The following ADAMTSL3 variants were observed in gnomAD, a reference collection of about 807,000 sequenced individuals.
ADAMTSL3 encodes ADAMTS-like protein 3.
In ADAMTSL3, 128 loss-of-function variants were observed where a neutral mutation model predicts 201.7. The observed-to-expected ratio is 0.63, with a 90% CI of 0.55 to 0.73. ADAMTSL3 has a LOEUF of 0.73. Among genes scored for constraint, ADAMTSL3 ranks in the 30% least tolerant of loss-of-function variants. The pLI is 0.00. For synonymous variants in ADAMTSL3, 738 were observed against 748.4 expected (o/e 0.99, Z 0.23); for missense variants, 1,990 against 2,119.6 (o/e 0.94, Z 1.20).
intron 23 of ADAMTSL3, among the ~76,000 whole-genome samples, chr15:84,008,394 C>T (rs1208966124): frequency 6.6e-6 from 1 of 152,168 alleles, no homozygotes; most frequent in East Asian, 1.9e-4. Flanking sequence ...CACACCAGGC[C>T]CCGTGGTGAG....
intron 17 of ADAMTSL3, among the ~76,000 whole-genome samples, chr15:83,934,177 G>C (rs552257508): frequency 2.6e-5 from 4 of 151,858 alleles, no homozygotes; most frequent in African/African-American, 7.2e-5. Context: ...CAGCTGGGAG[G>C]GGGGGCTGTA....
At chr15:83,725,227 T>C (rs1344755993) in intron 3 of ADAMTSL3, among the ~76,000 whole-genome samples, 3 of 152,184 alleles carry the variant, frequency 2.0e-5, no homozygotes, top group African/African-American at 7.2e-5. Flanking sequence ...TTATTGCTTG[T>C]CATTTGGATA....
At chr15:83,688,239 T>C (rs1312030221) in intron 2 of ADAMTSL3, among the ~76,000 whole-genome samples, 1 of 152,246 alleles carries the variant, frequency 6.6e-6, no homozygotes, top group East Asian at 1.9e-4. Context: ...GTAAAATTTC[T>C]AACTTCTAAG....
At chr15:83,734,812 G>T (rs985949340) in intron 3 of ADAMTSL3, among the ~76,000 whole-genome samples, 1 of 152,070 alleles carries the variant, frequency 6.6e-6, no homozygotes, top group Non-Finnish European at 1.5e-5. Context: ...GATTTTTGCC[G>T]ATGGTGGAAG....
At chr15:83,902,381 C>T (rs2065744182) in intron 15 of ADAMTSL3, among the ~76,000 whole-genome samples, 1 of 152,170 alleles carries the variant, frequency 6.6e-6, no homozygotes, top group African/African-American at 2.4e-5. Flanking sequence ...AGCGATTCTC[C>T]TGCCTCAGCC....
At chr15:83,903,925 A>G (rs1330893600) in intron 15 of ADAMTSL3, among the ~76,000 whole-genome samples, 242 of 23,738 alleles carry the variant, frequency 0.01, 17 homozygotes, top group East Asian at 0.055. Flanking sequence ...ATCAAAAAAA[A>G]AAAAAAAAAA....
At chr15:83,656,024 C>A (rs1486580324) in intron 2 of ADAMTSL3, among the ~76,000 whole-genome samples, 194 bp downstream of exon 2, 10 of 152,140 alleles carry the variant, frequency 6.6e-5, no homozygotes. Context: ...CCCTTGGGTC[C>A]TCTCTGAATC....
At chr15:83,671,684 CTCT>C (rs1234940732) in intron 2 of ADAMTSL3, among the ~76,000 whole-genome samples, 1 of 152,192 alleles carries the variant, frequency 6.6e-6, no homozygotes, top group Non-Finnish European at 1.5e-5. Context: ...CTGTCCCCGA[CTCT>C]TCTTTACTAG....
intron 3 of ADAMTSL3, among the ~76,000 whole-genome samples, chr15:83,744,730 G>A (rs1034964489): frequency 6.6e-6 from 1 of 152,040 alleles, no homozygotes; most frequent in African/African-American, 2.4e-5. Context: ...GTATCCTTTG[G>A]CCAAATCTCC....
chr15:83,913,143 G>A lies in ADAMTSL3; in HGVS notation c.1752G>A (p.Val584=). 2 of 1,614,164 alleles carry A rather than the reference G, an allele frequency of 1.2e-6. No individual in the cohort carries two copies. The highest frequency in any genetic ancestry group is 8.5e-7 in the Non-Finnish European group (1 of 1,180,034). ...GCAGTACCACGTGTGGGCCGGGTGTGCAGGTCCGTGAGGTGAAGTGCCGTG... is the reference window on the plus strand; with the variant it reads ...GCAGTACCACGTGTGGGCCGGGTGTACAGGTCCGTGAGGTGAAGTGCCGTG... ...SACSTTCGPG[V]QVREVKCRVL... Residue 584 remains valine, a synonymous_variant, in exon 16 of 30, where the codon GTG becomes GTA. Transcript: ENST00000286744.
intron 7 of ADAMTSL3, among the ~76,000 whole-genome samples, chr15:83,840,689 G>A (rs1219071006): frequency 6.6e-6 from 1 of 152,238 alleles, no homozygotes; most frequent in Non-Finnish European, 1.5e-5. Context: ...GCCTAGCTGA[G>A]ATGGGAAACC....
At chr15:84,036,322 G>GA (rs1567317288) in intron 28 of ADAMTSL3, among the ~76,000 whole-genome samples, 1 of 152,194 alleles carries the variant, frequency 6.6e-6, no homozygotes, top group East Asian at 1.9e-4. Context: ...TAGCAGACAA[G>GA]GTTGCTCACA....
chr15:83,964,265 C>CT (rs1297831102), intron 19 of ADAMTSL3, among the ~76,000 whole-genome samples: 1 of 151,884 alleles, frequency 6.6e-6, no homozygotes, highest in African/African-American at 2.4e-5. Context: ...TGCAAGGAAG[C>CT]TAAGAACCTT....
intron 17 of ADAMTSL3, among the ~76,000 whole-genome samples, chr15:83,935,842 G>A (rs2142017896): frequency 6.6e-6 from 1 of 152,162 alleles, no homozygotes; most frequent in South Asian, 2.1e-4. Flanking sequence ...TAGTCTTATA[G>A]TAAGGTTATA....
chr15:83,714,954 C>T (rs2061996276), intron 3 of ADAMTSL3, among the ~76,000 whole-genome samples: 1 of 125,760 alleles, frequency 8.0e-6, no homozygotes, highest in Non-Finnish European at 1.6e-5. Flanking sequence ...TCTTTCCTTT[C>T]TCATCTTGGA....
intron 3 of ADAMTSL3, among the ~76,000 whole-genome samples, chr15:83,772,755 G>C (rs1331814813): frequency 6.6e-6 from 1 of 150,764 alleles, no homozygotes; most frequent in African/African-American, 2.4e-5. Flanking sequence ...GCCCAGGCTG[G>C]AGTGCAGTGG....
intron 21 of ADAMTSL3, among the ~76,000 whole-genome samples, chr15:83,983,776 T>C (rs1015412533): frequency 6.6e-6 from 1 of 152,094 alleles, no homozygotes; most frequent in Non-Finnish European, 1.5e-5. Context: ...ATCAGCCCCA[T>C]GAGATTGGCA....
intron 6 of ADAMTSL3, among the ~76,000 whole-genome samples, chr15:83,829,798 C>G (rs920720604): frequency 3.3e-5 from 5 of 152,202 alleles, no homozygotes; most frequent in African/African-American, 1.2e-4. Flanking sequence ...AGTAGTCATT[C>G]AGGAGCAGGT....
intron 2 of ADAMTSL3, chr15:83,694,416 G>A (rs901744481): frequency 3.9e-5 from 6 of 152,172 alleles, no homozygotes; most frequent in Middle Eastern, 6.8e-3. Flanking sequence ...CAAACACCTC[G>A]TTTTTTTCTC....
Sources: gnomAD v4.1 joint callset for allele counts (sites outside exome capture counted in the v4.1 genomes callset) on GRCh38, gnomAD v4.1.1 for gene constraint, MANE v1.5 for transcripts, NCBI Gene and HGNC (gene_info 2026-07-23, HGNC 2026-07-21) for gene names.